The following DHX35 variants were observed in gnomAD, a reference collection of about 807,000 sequenced individuals.
DHX35 encodes the protein probable ATP-dependent RNA helicase DHX35.
In DHX35, 84 loss-of-function variants were observed where a neutral mutation model predicts 99.6. The observed-to-expected ratio is 0.84, with a 90% CI of 0.71 to 1.01. The LOEUF (loss-of-function observed/expected upper bound fraction) is 1.01, where lower values mean the gene tolerates loss of function less well. Ranked by LOEUF, DHX35 falls within the 50% of genes least tolerant of loss-of-function variation. The probability of loss-of-function intolerance (pLI) is 0.00; values close to 1 mark genes in which losing one functional copy is unlikely to be tolerated. For synonymous variants in DHX35, 331 were observed against 316.2 expected, an observed-to-expected ratio of 1.05 and a Z score of -0.50; for missense variants, 852 against 888.5, an observed-to-expected ratio of 0.96 and a Z score of 0.52.
intron 4 of DHX35, among the ~76,000 whole-genome samples, chr20:38,986,786 T>C (rs2867895): frequency 0.34 from 51,772 of 152,078 alleles, 8,929 homozygotes; most frequent in Middle Eastern, 0.51. Context: ...ATAAGACGTT[T>C]TGAAAGCCTA....
Position 39,021,825 on chromosome 20 carries a change from GC to G in DHX35, c.1499-15del. On this transcript the variant is annotated splice_polypyrimidine_tract_variant and intron_variant, in intron 15 of 21. Transcript: ENST00000252011. ...ACATTATATGGTTGAAACCAAACAT[GC>G]TTTTTGTTTTACAGGAAACTTCGGC... The G allele has an allele frequency of 6.2e-7, 1 of 1,612,924 alleles. No individual in the cohort carries two copies.
chr20:38,981,869 A>G (rs947974322), intron 3 of DHX35, among the ~76,000 whole-genome samples: 2 of 150,528 alleles, frequency 1.3e-5, no homozygotes, highest in Admixed American at 6.6e-5. Context: ...GCTTAAACCC[A>G]GAAGTCGGAG....
chr20:39,000,591 T>G (rs1019277409), intron 8 of DHX35, among the ~76,000 whole-genome samples: 1 of 152,220 alleles, frequency 6.6e-6, no homozygotes, highest in Non-Finnish European at 1.5e-5. Context: ...AACATCCCTG[T>G]ATTTTGTGGT....
chr20:39,001,686 C>CT (rs750838940), intron 8 of DHX35, 44 bp from the exon 9 acceptor site: 7 of 1,505,374 alleles, frequency 4.7e-6, no homozygotes, highest in South Asian at 1.2e-5. Context: ...CGCTACGAAC[C>CT]TTTTTTTCTA....
chr20:39,022,523 A>G (rs1326064066), intron 16 of DHX35, among the ~76,000 whole-genome samples: 1 of 152,180 alleles, frequency 6.6e-6, no homozygotes, highest in Non-Finnish European at 1.5e-5. Flanking sequence ...CACAGCCAGA[A>G]TTGTTGGCTC....
intron 4 of DHX35, among the ~76,000 whole-genome samples, chr20:38,985,460 A>G (rs947256311): frequency 3.3e-5 from 5 of 149,416 alleles, no homozygotes; most frequent in Admixed American, 6.7e-5. Flanking sequence ...AATTAATTCT[A>G]TTTCCCCAAG....
Position 39,021,910 on chromosome 20 carries a change from T to TC in DHX35, c.1574dup (p.Asn526LysfsTer12), listed in dbSNP as rs751164259. On this transcript the variant is annotated frameshift_variant, in exon 16 of 22. Coordinates refer to ENST00000252011, the MANE Select transcript of DHX35 (RefSeq NM_021931.4). LOFTEE classifies it high-confidence loss of function. Reference sequence around the variant, plus strand: ...ATGCAGATCCAGAATATCTTTGTGGTCCCCCCAAACCAGAAGTCTCACGCA... The same window carrying TC: ...ATGCAGATCCAGAATATCTTTGTGGTCCCCCCCAAACCAGAAGTCTCACGCA... The TC allele has an allele frequency of 1.9e-6, 3 of 1,613,978 alleles. No homozygotes were observed. The highest frequency in any genetic ancestry group is 2.5e-6 in the Non-Finnish European group (3 of 1,179,996).
intron 2 of DHX35, 118 bp from the exon 3 acceptor site, chr20:38,972,441 G>T: frequency 1.5e-6 from 1 of 662,454 alleles, no homozygotes; most frequent in Non-Finnish European, 2.6e-6. Context: ...CATTTTGATA[G>T]TTCTACTTAA....
At chr20:39,001,992 C>G (rs911366941) in intron 9 of DHX35, 150 bp downstream of exon 9, 4 of 717,954 alleles carry the variant, frequency 5.6e-6, no homozygotes, top group African/African-American at 3.6e-5. Context: ...TCTTACCCTG[C>G]TCCGGATCAC....
At chr20:38,981,805 A>C (rs573770729) in intron 3 of DHX35, among the ~76,000 whole-genome samples, 2 of 152,154 alleles carry the variant, frequency 1.3e-5, no homozygotes, top group Admixed American at 6.5e-5. Context: ...TTAGCCGGGC[A>C]TGGTGTTGCA....
intron 14 of DHX35, among the ~76,000 whole-genome samples, chr20:39,017,503 A>G (rs79001593): frequency 0.042 from 6,427 of 152,172 alleles, 197 homozygotes; most frequent in Non-Finnish European, 0.066. Context: ...AATTTAAGAT[A>G]TTTCCTATTT....
intron 14 of DHX35, among the ~76,000 whole-genome samples, chr20:39,018,267 G>A (rs985635332): frequency 1.3e-5 from 2 of 152,060 alleles, no homozygotes; most frequent in African/African-American, 4.8e-5. Flanking sequence ...TGGCCTGTCC[G>A]GTCCTGGAGG....
chr20:38,969,686 G>T (rs916909782), intron 2 of DHX35, among the ~76,000 whole-genome samples: 4 of 152,204 alleles, frequency 2.6e-5, no homozygotes, highest in African/African-American at 9.7e-5. Flanking sequence ...TTTTGGTATG[G>T]TTACTACTTA....
intron 10 of DHX35, 85 bp from the exon 11 acceptor site, chr20:39,003,664 C>T (rs1172388772): frequency 6.7e-7 from 1 of 1,497,716 alleles, no homozygotes; most frequent in East Asian, 2.3e-5. Context: ...AGTCCAGATC[C>T]CAACTTTTAT....
At chr20:39,027,050 A>C (rs2086968720) in intron 18 of DHX35, among the ~76,000 whole-genome samples, 1 of 152,184 alleles carries the variant, frequency 6.6e-6, no homozygotes, top group African/African-American at 2.4e-5. Context: ...GCTACCGGCC[A>C]TTGTAGTGTC....
At chr20:39,003,995 A>G in intron 11 of DHX35, 88 bp downstream of exon 11, 2 of 1,447,546 alleles carry the variant, frequency 1.4e-6, no homozygotes, top group East Asian at 4.6e-5. Flanking sequence ...TGCTAAACAC[A>G]AGGCAGACTT....
At chr20:38,964,506 C>G (rs971076668) in intron 1 of DHX35, among the ~76,000 whole-genome samples, 5 of 152,058 alleles carry the variant, frequency 3.3e-5, no homozygotes, top group African/African-American at 1.2e-4. Flanking sequence ...TCTCGGCTCA[C>G]TGGAACTTCC....
intron 1 of DHX35, among the ~76,000 whole-genome samples, chr20:38,967,674 C>T (rs1484379316): frequency 6.6e-6 from 1 of 152,190 alleles, no homozygotes; most frequent in African/African-American, 2.4e-5. Context: ...TATGGCTTCC[C>T]TATTCTTCAC....
chr20:39,009,326 T>C (rs2086664287), intron 12 of DHX35, among the ~76,000 whole-genome samples: 1 of 152,220 alleles, frequency 6.6e-6, no homozygotes, highest in African/African-American at 2.4e-5. Flanking sequence ...TTGTATCAAT[T>C]AGTCCACAGA....
Sources: gnomAD v4.1 joint callset for allele counts (sites outside exome capture counted in the v4.1 genomes callset) on GRCh38, gnomAD v4.1.1 for gene constraint, MANE v1.5 for transcripts, NCBI Gene and HGNC (gene_info 2026-07-23, HGNC 2026-07-21) for gene names.